Variants in SOX6 observed in about 807,000 individuals in gnomAD.
SOX6 encodes SRY-box transcription factor 6.
In SOX6, 11 loss-of-function variants were observed where a neutral mutation model predicts 97.8. The ratio of observed to expected loss-of-function variants is 0.11; its 90% CI spans 0.07 to 0.19. The LOEUF is 0.19. Among genes scored for constraint, SOX6 ranks in the 10% least tolerant of loss-of-function variants. The probability of loss-of-function intolerance (pLI) is 1.00; values close to 1 mark genes in which losing one functional copy is unlikely to be tolerated. For missense variants in SOX6, 810 were observed against 1,039.5 expected, an observed-to-expected ratio of 0.78 and a Z score of 3.04; for synonymous variants, 360 against 371.4, an observed-to-expected ratio of 0.97 and a Z score of 0.35.
At chr11:16,537,088 T>G (rs919046984) in intron 4 of SOX6, among the ~76,000 whole-genome samples, 1 of 152,142 alleles carries the variant, frequency 6.6e-6, no homozygotes, top group Admixed American at 6.5e-5. Flanking sequence ...AGTGCCCCTC[T>G]GGGACAAAGC....
At chr11:16,352,435 A>G (rs1462835808) in intron 1 of SOX6, among the ~76,000 whole-genome samples, 1 of 152,128 alleles carries the variant, frequency 6.6e-6, no homozygotes, top group African/African-American at 2.4e-5. Flanking sequence ...GAGCAACTCT[A>G]GAAGTTAAAT....
chr11:16,426,627 C>G (rs1432418720), intron 1 of SOX6, among the ~76,000 whole-genome samples: 1 of 151,986 alleles, frequency 6.6e-6, no homozygotes, highest in East Asian at 1.9e-4. Context: ...AAACTGGATC[C>G]CTTCTGGCCG....
chr11:16,121,481 C>T (rs970601496), intron 6 of SOX6, among the ~76,000 whole-genome samples: 2 of 151,914 alleles, frequency 1.3e-5, no homozygotes, highest in African/African-American at 4.8e-5. Flanking sequence ...ATAAAAGTGC[C>T]TTAAAGACAT....
chr11:16,126,103 C>T (rs1463042124), intron 6 of SOX6, among the ~76,000 whole-genome samples: 1 of 152,032 alleles, frequency 6.6e-6, no homozygotes, highest in East Asian at 1.9e-4. Context: ...ATATGTGAGT[C>T]ACATGGCCAA....
chr11:16,028,889 T>C (rs564495931), intron 12 of SOX6, among the ~76,000 whole-genome samples: 1 of 152,310 alleles, frequency 6.6e-6, no homozygotes, highest in Non-Finnish European at 1.5e-5. Context: ...CTTGAAATAT[T>C]TACAATGTAA....
chr11:15,993,766 TC>T (rs1302466134), intron 13 of SOX6, among the ~76,000 whole-genome samples: 2 of 152,210 alleles, frequency 1.3e-5, no homozygotes, highest in East Asian at 3.8e-4. Context: ...GGCAAATATC[TC>T]CTTAGAAATC....
At chr11:16,087,931 G>T (rs1449251258) in intron 9 of SOX6, among the ~76,000 whole-genome samples, 3 of 151,866 alleles carry the variant, frequency 2.0e-5, no homozygotes, top group Admixed American at 2.0e-4. Context: ...TCTGTGCTTT[G>T]CAGGGTGTTT....
At chr11:16,132,498 A>AAG (rs1223457733) in intron 6 of SOX6, among the ~76,000 whole-genome samples, 2 of 140,936 alleles carry the variant, frequency 1.4e-5, no homozygotes, top group Non-Finnish European at 3.2e-5. Context: ...GAAAGAAAGA[A>AAG]AGAAAGAAAG....
chr11:16,692,057 G>A (rs545689309), intron 3 of SOX6, among the ~76,000 whole-genome samples: 84 of 57,170 alleles, frequency 1.5e-3, no homozygotes, highest in African/African-American at 6.9e-3. Flanking sequence ...TTGCGTGTGC[G>A]TGTGTGTGTG....
At chr11:16,686,369 G>C (rs1847969451) in intron 3 of SOX6, among the ~76,000 whole-genome samples, 1 of 152,106 alleles carries the variant, frequency 6.6e-6, no homozygotes, top group Admixed American at 6.6e-5. Context: ...TCCTGTATCT[G>C]AGAGTAGGCC....
At chr11:16,142,810 A>G (rs1275658408) in intron 6 of SOX6, among the ~76,000 whole-genome samples, 1 of 152,180 alleles carries the variant, frequency 6.6e-6, no homozygotes, top group Non-Finnish European at 1.5e-5. Context: ...AAAAAAGAAT[A>G]AAAAGAAATG....
At chr11:16,218,017 T>C (rs1242232665) in intron 4 of SOX6, among the ~76,000 whole-genome samples, 2 of 152,170 alleles carry the variant, frequency 1.3e-5, no homozygotes, top group East Asian at 3.8e-4. Flanking sequence ...GTTTGCTTCT[T>C]ACCATGAAGA....
chr11:15,966,727 G>GTGTC lies in SOX6; in HGVS notation c.*6078_*6081dup. The GTGTC allele has an allele frequency of 6.6e-6, 1 of 152,144 alleles. No individual in the cohort carries two copies. The highest frequency in any genetic ancestry group is 1.9e-4 in the East Asian group (1 of 5,192). The allele number at this position is 152,144 out of a possible 1,614,324, so 9.4% of individuals were successfully genotyped here. ...ATACACCAGGATAGATAAAGACAGT[G>GTGTC]TGTCTTTCAATTTTGTCTTTTCCCT... is the stretch of plus-strand genomic sequence containing the variant. On this transcript the variant is annotated 3_prime_UTR_variant, in exon 16 of 16. Coordinates refer to ENST00000683767, the MANE Select transcript of SOX6 (RefSeq NM_001367873.1).
intron 4 of SOX6, among the ~76,000 whole-genome samples, chr11:16,598,783 C>T (rs544631808): frequency 1.3e-5 from 2 of 151,970 alleles, no homozygotes; most frequent in African/African-American, 4.8e-5. Context: ...AAATTGTGCT[C>T]GGTGAAGTCA....
intron 3 of SOX6, among the ~76,000 whole-genome samples, chr11:16,667,190 A>G (rs911879811): frequency 6.6e-6 from 1 of 152,048 alleles, no homozygotes; most frequent in African/African-American, 2.4e-5. Flanking sequence ...CAGTGAACCG[A>G]GATCACACCA....
chr11:16,188,403 T>A (rs1262371670), intron 4 of SOX6, among the ~76,000 whole-genome samples: 1 of 152,096 alleles, frequency 6.6e-6, no homozygotes, highest in Non-Finnish European at 1.5e-5. Flanking sequence ...TCCTTCTAGA[T>A]CCTGGAATTT....
intron 3 of SOX6, among the ~76,000 whole-genome samples, chr11:16,299,439 CG>C (rs1855191033): frequency 6.6e-6 from 1 of 151,710 alleles, no homozygotes; most frequent in Non-Finnish European, 1.5e-5. Flanking sequence ...TTATAAAAAA[CG>C]GGGGAGGGGT....
chr11:16,438,293 TAA>T lies in SOX6; in HGVS notation c.-5+38020_-5+38021del, dbSNP rs368468946. The stretch of plus-strand genomic sequence containing the variant: ...CCTATACATCAACTTGAAATTATAA[TAA>T]GAGATTTTTAAAAATTAAAATGACT... On this transcript the variant is annotated intron_variant, in intron 1 of 15. Transcript: ENST00000396356. Among the ~76,000 whole-genome samples the T allele has an allele frequency of 2.8e-4, 42 of 152,214 alleles. 1 individual carries two copies. In the East Asian group the frequency reaches 4.8e-3, roughly 17 times the overall value.
intron 2 of SOX6, among the ~76,000 whole-genome samples, chr11:16,732,095 C>T (rs1247230463): frequency 6.6e-6 from 1 of 152,144 alleles, no homozygotes; most frequent in Non-Finnish European, 1.5e-5. Flanking sequence ...AGAGAGGACA[C>T]AAATAAATGG....
Sources: allele counts gnomAD v4.1 joint callset (sites outside exome capture counted in the v4.1 genomes callset), GRCh38; gene constraint gnomAD v4.1.1; transcripts MANE v1.5; gene names NCBI Gene and HGNC (gene_info 2026-07-23, HGNC 2026-07-21).